Variants in HSPB8 observed in about 807,000 individuals in gnomAD.
The protein encoded by HSPB8 is heat shock protein family B (small) member 8, also known as heat shock protein beta-8.
HSPB8 carries 9 observed loss-of-function variants against 16.5 expected under a neutral mutation model. The observed-to-expected ratio is 0.55, with a 90% CI of 0.33 to 0.95. The LOEUF (loss-of-function observed/expected upper bound fraction) is 0.95, where lower values mean the gene tolerates loss of function less well. Ranked by LOEUF, HSPB8 falls within the 40% of genes least tolerant of loss-of-function variation. The pLI, the probability that HSPB8 is intolerant of heterozygous loss-of-function variation, is 0.03. For synonymous variants in HSPB8, 99 were observed against 94.8 expected (o/e 1.04, Z -0.26); for missense variants, 238 against 251.2 (o/e 0.95, Z 0.35).
intron 2 of HSPB8, among the ~76,000 whole-genome samples, chr12:119,190,613 T>C (rs1298358182): frequency 6.6e-6 from 1 of 152,250 alleles, no homozygotes; most frequent in African/African-American, 2.4e-5. Context: ...TTTTGCCTTA[T>C]ATGCTTACAT....
rs577524086 is a variant in HSPB8 at position 119,185,692 on chromosome 12, T to C, written c.368-1333T>C. On this transcript the variant is annotated intron_variant, in intron 1 of 2. Transcript: ENST00000281938. ...CCTCTCTATGTTGTCCAGGCTGGTC[T>C]CAAACTCCTGGCCTCGAGTCATCCT... Among the ~76,000 whole-genome samples the C allele has an allele frequency of 2.0e-5, 3 of 152,216 alleles. No homozygotes were observed. The East Asian group carries it at 5.8e-4, about 29-fold the overall frequency.
intron 1 of HSPB8, chr12:119,183,271 G>A (rs745649596): frequency 4.6e-5 from 7 of 152,214 alleles, no homozygotes; most frequent in Non-Finnish European, 8.8e-5. Flanking sequence ...TTTGGAAAAT[G>A]CTGGACTAGA....
At position 119,194,372 on chromosome 12, in the gene HSPB8, G is replaced by T; in HGVS notation, c.*514G>T. The T allele has an allele frequency of 4.9e-6, 1 of 203,008 alleles. No homozygotes were observed. The highest frequency in any genetic ancestry group is 1.0e-5 in the Non-Finnish European group (1 of 99,728). The allele number at this position is 203,008 out of a possible 1,614,324, so 12.6% of individuals were successfully genotyped here. On this transcript the variant is annotated 3_prime_UTR_variant, in exon 3 of 3. Coordinates refer to ENST00000281938, the MANE Select transcript of HSPB8 (RefSeq NM_014365.3). ...TATACAGGTCTTATATCCCCATATG[G>T]AATTTATCCATCAACCACATAAAAA...
Position 119,193,797 on chromosome 12 carries a change from T to C in HSPB8, c.530T>C (p.Phe177Ser), listed in dbSNP as rs1434480211. 5 of 1,614,148 alleles carry C rather than the reference T, an allele frequency of 3.1e-6. No homozygotes were observed. The Admixed American group carries it at 8.3e-5, about 27-fold the overall frequency. Residue 177 changes from phenylalanine (F) to serine (S), a missense_variant, in exon 3 of 3, where the codon TTT becomes TCT. Coordinates refer to ENST00000281938, the MANE Select transcript of HSPB8 (RefSeq NM_014365.3). Reference sequence around the variant, plus strand: ...CCCCAGGTCCCTCCTTACTCAACATTTGGAGAGAGCAGTTTCAACAACGAG... The same window carrying C: ...CCCCAGGTCCCTCCTTACTCAACATCTGGAGAGAGCAGTTTCAACAACGAG... ...EAPQVPPYST[F>S]GESSFNNELP...
In HSPB8 at chr12:119,193,643, G is replaced by C. The variant is rs190925135; in HGVS notation, c.432-56G>C. 214 of 1,569,366 alleles carry C rather than the reference G, an allele frequency of 1.4e-4. No individual in the cohort carries two copies. In the African/African-American group the frequency reaches 2.6e-3, roughly 19 times the overall value. On this transcript the variant is annotated intron_variant, in intron 2 of 2. Transcript: ENST00000281938. ...AATATTTCCTCTCAAGTGAATAAAAGAATGTTTAAGCAATATTAACAACAA... is the reference window on the plus strand; with the variant it reads ...AATATTTCCTCTCAAGTGAATAAAACAATGTTTAAGCAATATTAACAACAA...
In HSPB8 at chr12:119,194,718, T is replaced by C. The variant is rs1223485106; in HGVS notation, c.*860T>C. On this transcript the variant is annotated 3_prime_UTR_variant, in exon 3 of 3. Transcript: ENST00000281938. Reference sequence around the variant, plus strand: ...AACAGTAAATAATTAATAATAATAATAATAATAATAAAGGAGCTGACGTTC... The same window carrying C: ...AACAGTAAATAATTAATAATAATAACAATAATAATAAAGGAGCTGACGTTC... 5.9e-6 allele frequency: 2 copies of C among 339,740 alleles called. No homozygotes were observed. The highest frequency in any genetic ancestry group is 1.0e-5 in the Non-Finnish European group (2 of 193,812). The allele number at this position is 339,740 out of a possible 1,614,324, so 21.0% of individuals were successfully genotyped here. A position where few individuals can be genotyped will look rare whatever the true frequency, so the allele number is the denominator to read the frequency against.
intron 1 of HSPB8, among the ~76,000 whole-genome samples, chr12:119,180,529 G>C (rs376910146): frequency 1.3e-5 from 2 of 152,086 alleles, no homozygotes; most frequent in Non-Finnish European, 2.9e-5. Flanking sequence ...GGCCTAGGTG[G>C]GACTCGTTCA....
At chr12:119,185,063 A>G (rs141010381) in intron 1 of HSPB8, among the ~76,000 whole-genome samples, 204 of 152,312 alleles carry the variant, frequency 1.3e-3, no homozygotes, top group African/African-American at 4.9e-3. Context: ...AAAAGTCGGA[A>G]CATATAAAAG....
At chr12:119,180,133 T>C (rs1199084575) in intron 1 of HSPB8, among the ~76,000 whole-genome samples, 1 of 152,162 alleles carries the variant, frequency 6.6e-6, no homozygotes. Context: ...CCTCTCCTTG[T>C]CCCAGACAGG....
intron 2 of HSPB8, among the ~76,000 whole-genome samples, chr12:119,189,766 G>T (rs1199906256): frequency 6.6e-6 from 1 of 152,136 alleles, no homozygotes; most frequent in Non-Finnish European, 1.5e-5. Context: ...CATGATCCGG[G>T]GGATGGGGAC....
At chr12:119,181,135 T>A (rs1029905379) in intron 1 of HSPB8, among the ~76,000 whole-genome samples, 12 of 152,334 alleles carry the variant, frequency 7.9e-5, no homozygotes, top group African/African-American at 2.9e-4. Flanking sequence ...AATGTGTACA[T>A]ACCTGTGAAC....
At chr12:119,189,763 C>G (rs115950956) in intron 2 of HSPB8, among the ~76,000 whole-genome samples, 1 of 152,230 alleles carries the variant, frequency 6.6e-6, no homozygotes, top group South Asian at 2.1e-4. Flanking sequence ...GTCCATGATC[C>G]GGGGGATGGG....
chr12:119,187,025 G>A lies in HSPB8; in HGVS notation c.368G>A (p.Gly123Asp), dbSNP rs758347523. The change falls in exon 2 of 3, where the codon GGC (glycine) becomes GAC (aspartate). Residue 123 changes from glycine (G) to aspartate (D), a missense_variant and splice_region_variant. Physicochemically the swap from Gly to Asp is moderately conservative, Grantham distance 94. Transcript: ENST00000281938. ...CACGCCACACTTTTCTTCCTTCCAG[G>A]CAAACATGAAGAGAAACAGCAAGAA... is the stretch of plus-strand genomic sequence containing the variant. Reference protein sequence around the residue: ...KTKDGYVEVSGKHEEKQQEGG... With the variant: ...KTKDGYVEVSDKHEEKQQEGG... The A allele has an allele frequency of 6.2e-7, 1 of 1,613,960 alleles. No individual in the cohort carries two copies. Among genetic ancestry groups the A allele is most frequent in the South Asian group, 1.1e-5 (1 of 91,082 alleles).
chr12:119,187,416 G>A (rs1954683890), intron 2 of HSPB8, among the ~76,000 whole-genome samples: 1 of 152,094 alleles, frequency 6.6e-6, no homozygotes, highest in African/African-American at 2.4e-5. Context: ...GTGCAGCGGT[G>A]TGATCCCAGC....
At chr12:119,187,218 C>G in intron 2 of HSPB8, 130 bp downstream of exon 2, 1 of 741,844 alleles carries the variant, frequency 1.3e-6, no homozygotes, top group Non-Finnish European at 2.4e-6. Context: ...GGGAATTGAA[C>G]CCTCACACCT....
chr12:119,183,614 T>C (rs1954653673), intron 1 of HSPB8, among the ~76,000 whole-genome samples: 1 of 152,202 alleles, frequency 6.6e-6, no homozygotes, highest in African/African-American at 2.4e-5. Flanking sequence ...AAAAATAAAA[T>C]GTCTTCATGA....
At chr12:119,192,976 ATTATCT>A (rs1954721536) in intron 2 of HSPB8, among the ~76,000 whole-genome samples, 1 of 152,160 alleles carries the variant, frequency 6.6e-6, no homozygotes, top group Admixed American at 6.5e-5. Context: ...CCATGATTCA[ATTATCT>A]CCCATCAGGC....
intron 1 of HSPB8, among the ~76,000 whole-genome samples, chr12:119,179,942 A>G (rs531362175): frequency 1.3e-5 from 2 of 152,290 alleles, no homozygotes; most frequent in African/African-American, 2.4e-5. Flanking sequence ...AATAGAAACC[A>G]TGTTGGATAT....
intron 1 of HSPB8, 172 bp from the exon 2 acceptor site, chr12:119,186,853 G>A (rs1435262896): frequency 1.5e-6 from 1 of 673,966 alleles, no homozygotes; most frequent in Non-Finnish European, 2.7e-6. Context: ...GTGGACTTAG[G>A]TGGGTCTGTA....
Sources: gnomAD v4.1 joint callset for allele counts (sites outside exome capture counted in the v4.1 genomes callset) on GRCh38, gnomAD v4.1.1 for gene constraint, MANE v1.5 for transcripts, NCBI Gene and HGNC (gene_info 2026-07-23, HGNC 2026-07-21) for gene names.